Variants in OGA observed in about 807,000 individuals in gnomAD.
OGA encodes the protein protein O-GlcNAcase.
OGA carries 21 observed loss-of-function variants against 102.0 expected under a neutral mutation model. The observed-to-expected ratio is 0.21, with a 90% confidence interval of 0.15 to 0.30. OGA has a LOEUF of 0.30. OGA is among the 10% of genes least tolerant of loss of function. OGA has a pLI of 1.00. For synonymous variants in OGA, 408 were observed against 378.2 expected (o/e 1.08, Z -0.91); for missense variants, 765 against 1,107.8 (o/e 0.69, Z 4.39).
chr10:101,793,727 C>T, intron 11 of OGA, 186 bp downstream of exon 11: 1 of 523,024 alleles, frequency 1.9e-6, no homozygotes. Context: ...GGATTGGCAG[C>T]ATCTCCTTCA....
intron 8 of OGA, 66 bp from the exon 9 acceptor site, chr10:101,799,521 C>G: frequency 7.0e-7 from 1 of 1,434,834 alleles, no homozygotes; most frequent in East Asian, 2.3e-5. Flanking sequence ...AGATAGAACA[C>G]ATTAGATTCA....
Position 101,790,900 on chromosome 10 carries a change from G to T in OGA, c.2450C>A (p.Ala817Asp). Reference sequence around the variant, plus strand: ...AATTCTTAACCTTTGTATTACCTCAGCCTCAGAGAGTTCCTTGTCACCATT... The same window carrying T: ...AATTCTTAACCTTTGTATTACCTCATCCTCAGAGAGTTCCTTGTCACCATT... ...KPNGDKELSE[A>D]EKIMLSFHEE... The change falls in exon 14 of 16, where the codon GCT (alanine) becomes GAT (aspartate). Residue 817 changes from alanine to aspartate, a missense_variant. By Grantham distance (126) the Ala-to-Asp change is moderately radical (BLOSUM62 -2). This residue lies in a region of OGA where 146 missense variants were observed against 269.7 expected (regional missense o/e 0.54). Coordinates refer to ENST00000361464, the MANE Select transcript of OGA (RefSeq NM_012215.5). 4.4e-6 allele frequency: 7 copies of T among 1,599,252 alleles called. No individual in the cohort carries two copies. The highest frequency in any genetic ancestry group is 6.0e-6 in the Non-Finnish European group (7 of 1,167,740).
Position 101,800,429 on chromosome 10 carries a change from A to T in OGA, c.1037-29T>A, listed in dbSNP as rs2305194. On this transcript the variant is annotated intron_variant, in intron 7 of 15. Transcript: ENST00000361464. ...CAAAAAATAAAATAAAAAAGCACAAAAATAGTTTTGATTACAAAAGCCTTC... is the reference window on the plus strand; with the variant it reads ...CAAAAAATAAAATAAAAAAGCACAATAATAGTTTTGATTACAAAAGCCTTC... 7 of 1,581,914 alleles carry T rather than the reference A, an allele frequency of 4.4e-6. No homozygotes were observed. The Admixed American group carries it at 1.0e-4, about 23-fold the overall frequency.
chr10:101,797,926 T>C (rs1444812359), intron 10 of OGA, 54 bp downstream of exon 10: 1 of 1,549,654 alleles, frequency 6.5e-7, no homozygotes, highest in South Asian at 1.1e-5. Flanking sequence ...TGGGATAATT[T>C]TTTTTAAAGG....
chr10:101,818,122 T>A lies in OGA; in HGVS notation c.-100A>T, dbSNP rs188854560. On this transcript the variant is annotated 5_prime_UTR_variant, in exon 1 of 16. Coordinates refer to ENST00000361464, the MANE Select transcript of OGA (RefSeq NM_012215.5). Reference sequence around the variant, plus strand: ...CTGGAGAGGGCTTCAGCTCCAAGTGTGCGCCCCTCCGGCTCCTTCCCCTCC... The same window carrying A: ...CTGGAGAGGGCTTCAGCTCCAAGTGAGCGCCCCTCCGGCTCCTTCCCCTCC... 2.9e-6 allele frequency: 4 copies of A among 1,400,990 alleles called. No individual in the cohort carries two copies. The Admixed American group carries it at 1.3e-4, about 44-fold the overall frequency. The allele number at this position is 1,400,990 out of a possible 1,614,324, so 86.8% of individuals were successfully genotyped here. A position where few individuals can be genotyped will look rare whatever the true frequency, so the allele number is the denominator to read the frequency against.
At chr10:101,803,620 A>T (rs1453564328) in intron 7 of OGA, 115 bp downstream of exon 7, 10 of 1,147,574 alleles carry the variant, frequency 8.7e-6, no homozygotes, top group African/African-American at 1.6e-5. Context: ...ATACGTTTTT[A>T]AAAAAATAAA....
At chr10:101,804,413 C>T (rs2065439281) in intron 6 of OGA, among the ~76,000 whole-genome samples, 1 of 151,722 alleles carries the variant, frequency 6.6e-6, no homozygotes, top group South Asian at 2.1e-4. Context: ...GCTGGGACTA[C>T]AGGCGCCCTC....
At chr10:101,795,498 G>C (rs1053172169) in intron 10 of OGA, among the ~76,000 whole-genome samples, 1 of 152,220 alleles carries the variant, frequency 6.6e-6, no homozygotes, top group Non-Finnish European at 1.5e-5. Flanking sequence ...CAATGGGGAA[G>C]AAGATAATAG....
At position 101,784,839 on chromosome 10, in the gene OGA, C is replaced by A. The variant is rs1162120842; in HGVS notation, c.*1612G>T. 2 of 152,192 alleles carry A rather than the reference C, an allele frequency of 1.3e-5. No individual in the cohort carries two copies. Among genetic ancestry groups the A allele is most frequent in the African/African-American group, 4.8e-5 (2 of 41,442 alleles). The allele number at this position is 152,192 out of a possible 1,614,324, so 9.4% of individuals were successfully genotyped here. ...GTAAGAGTCTTCCCTTCATCTCAAG[C>A]CCTCAAAAATGCAAACTTGGTTCCA... On this transcript the variant is annotated 3_prime_UTR_variant, in exon 16 of 16. Transcript: ENST00000361464.
At position 101,804,018 on chromosome 10, in the gene OGA, A is replaced by T. The variant is rs372236291; in HGVS notation, c.753T>A (p.Gly251=). 1 of 1,606,174 alleles carries T rather than the reference A, an allele frequency of 6.2e-7. No individual in the cohort carries two copies. The highest frequency in any genetic ancestry group is 1.1e-5 in the South Asian group (1 of 90,476). The change falls in exon 7 of 16, where the codon GGT becomes GGA. Residue 251 remains glycine (G), a splice_region_variant and synonymous_variant. Transcript: ENST00000361464. The part of the protein sequence containing the change: ...LLPGIEVLWT[G]PKVVSKEIPV... ...GAATTTCTTTAGAAACAACTTTGGG[A>T]CCTAGAAATAACGACAACCGTTCGT...
At position 101,784,662 on chromosome 10, in the gene OGA, T is replaced by A. The variant is rs988590561; in HGVS notation, c.*1789A>T. On this transcript the variant is annotated 3_prime_UTR_variant, in exon 16 of 16. Coordinates refer to ENST00000361464, the MANE Select transcript of OGA (RefSeq NM_012215.5). ...CCTGTGACCAGACCAGCCAACATGA[T>A]TACTAAAAGCCAAGATAAAACCAAA... 2 of 152,242 alleles carry A rather than the reference T, an allele frequency of 1.3e-5. No individual in the cohort carries two copies. The highest frequency in any genetic ancestry group is 2.9e-5 in the Non-Finnish European group (2 of 68,036). The allele number at this position is 152,242 out of a possible 1,614,324, so 9.4% of individuals were successfully genotyped here.
chr10:101,812,619 T>TA lies in OGA; in HGVS notation c.349+410dup, dbSNP rs2065573284. ...AATTTCTGCATTAATTTTGGTTTTT[T>TA]AAAAAAATTGCATAAAATATTATTT... On this transcript the variant is annotated intron_variant, in intron 3 of 15. Transcript: ENST00000361464. Among the ~76,000 whole-genome samples the TA allele has an allele frequency of 2.0e-5, 3 of 152,208 alleles. No homozygotes were observed. In the South Asian group the frequency reaches 6.2e-4, roughly 32 times the overall value.
intron 11 of OGA, 102 bp from the exon 12 acceptor site, chr10:101,793,045 G>T: frequency 1.2e-6 from 1 of 852,082 alleles, no homozygotes; most frequent in Non-Finnish European, 1.9e-6. Context: ...ACTGGCTACT[G>T]CAGGCAGACC....
At chr10:101,817,516 AAAG>A (rs2065650500) in intron 1 of OGA, among the ~76,000 whole-genome samples, 1 of 152,134 alleles carries the variant, frequency 6.6e-6, no homozygotes, top group South Asian at 2.1e-4. Flanking sequence ...CCCAAGGTAC[AAAG>A]AAGTAGAACT....
intron 15 of OGA, among the ~76,000 whole-genome samples, chr10:101,786,977 G>A (rs1427163839): frequency 6.6e-6 from 1 of 151,798 alleles, no homozygotes; most frequent in Non-Finnish European, 1.5e-5. Flanking sequence ...TCGATCTCTT[G>A]ACCTCATGAT....
chr10:101,808,903 G>A (rs940052405), intron 4 of OGA, among the ~76,000 whole-genome samples: 8 of 152,186 alleles, frequency 5.3e-5, no homozygotes, highest in South Asian at 4.1e-4. Context: ...CCAGGAGGTA[G>A]AGGTTGCAAT....
intron 14 of OGA, among the ~76,000 whole-genome samples, chr10:101,790,086 G>C (rs573414214): frequency 1.3e-5 from 2 of 152,210 alleles, no homozygotes; most frequent in South Asian, 4.1e-4. Flanking sequence ...AGTTGGGACA[G>C]GACAGACTTA....
chr10:101,806,351 C>T (rs1259080103), intron 5 of OGA, among the ~76,000 whole-genome samples: 5 of 152,176 alleles, frequency 3.3e-5, no homozygotes, highest in African/African-American at 9.7e-5. Flanking sequence ...TACAGGCGCA[C>T]GCCGCCACGC....
At chr10:101,809,289 C>G (rs1039068833) in intron 4 of OGA, among the ~76,000 whole-genome samples, 3 of 152,172 alleles carry the variant, frequency 2.0e-5, no homozygotes, top group African/African-American at 7.2e-5. Flanking sequence ...AAATAAAGTC[C>G]AGCAGTCAGC....
Sources: gnomAD v4.1 joint callset for allele counts (sites outside exome capture counted in the v4.1 genomes callset) on GRCh38, gnomAD v4.1.1 for gene constraint, gnomAD v4.1.1 regional missense constraint, MANE v1.5 for transcripts, NCBI Gene and HGNC (gene_info 2026-07-23, HGNC 2026-07-21) for gene names.